Variants in SLC13A4 observed in about 807,000 individuals in gnomAD.
SLC13A4 encodes Na(+)/sulfate cotransporter SUT-1.
SLC13A4 carries 28 observed loss-of-function variants against 72.7 expected under a neutral mutation model. That is an observed-to-expected ratio of 0.39 (90% CI 0.29 to 0.53). The LOEUF is 0.53. Among genes scored for constraint, SLC13A4 ranks in the 20% least tolerant of loss-of-function variants. SLC13A4 has a pLI of 0.78. For synonymous variants in SLC13A4, 312 were observed against 325.5 expected, an observed-to-expected ratio of 0.96 and a Z score of 0.45; for missense variants, 653 against 788.0, an observed-to-expected ratio of 0.83 and a Z score of 2.05.
At chr7:135,701,652 A>G in intron 7 of SLC13A4, 28 bp downstream of exon 7, 1 of 1,608,636 alleles carries the variant, frequency 6.2e-7, no homozygotes, top group Non-Finnish European at 8.5e-7. Flanking sequence ...CATGTAGGAA[A>G]CAGAGCTAGA....
chr7:135,692,709 G>A lies in SLC13A4; in HGVS notation c.1122-285C>T, dbSNP rs116029059. 4.2e-3 allele frequency: 1,426 copies of A among 338,804 alleles called. 30 individuals are homozygous for A. The highest frequency in any genetic ancestry group is 0.028 in the African/African-American group (1,313 of 46,148). The allele number at this position is 338,804 out of a possible 1,614,324, so 21.0% of individuals were successfully genotyped here. A position where few individuals can be genotyped will look rare whatever the true frequency, so the allele number is the denominator to read the frequency against. ...TTCAAATACAGCCTACAAGGAGAGT[G>A]CAGTGAAATAGGCAGCCCCAAACAC... On this transcript the variant is annotated intron_variant, in intron 10 of 15. Transcript: ENST00000682651.
chr7:135,700,006 A>T (rs1795993701), intron 7 of SLC13A4, among the ~76,000 whole-genome samples: 1 of 152,052 alleles, frequency 6.6e-6, no homozygotes, highest in African/African-American at 2.4e-5. Context: ...TCCTACCAAG[A>T]CCCATCAAGC....
chr7:135,700,845 T>G (rs1434716877), intron 7 of SLC13A4, among the ~76,000 whole-genome samples: 1 of 152,226 alleles, frequency 6.6e-6, no homozygotes, highest in East Asian at 1.9e-4. Flanking sequence ...AGACGAGATC[T>G]GGCTGTGTTT....
chr7:135,710,622 CTT>C (rs1406533561), intron 2 of SLC13A4, among the ~76,000 whole-genome samples: 1 of 152,154 alleles, frequency 6.6e-6, no homozygotes, highest in Non-Finnish European at 1.5e-5. Flanking sequence ...AGACTGCTGA[CTT>C]TTCATTATAA....
In SLC13A4 at chr7:135,684,065, G is replaced by T; in HGVS notation, c.1746+59C>A. The T allele has an allele frequency of 7.9e-6, 12 of 1,514,284 alleles. No individual in the cohort carries two copies. In the South Asian group the frequency reaches 1.6e-4, roughly 20 times the overall value. 93.8% of individuals were successfully genotyped at this position (1,514,284 alleles called of 1,614,324 possible). ...ATAAGCTTTGAAAGAAGGCTGCAGA[G>T]CTGTCATCCCTGTCCTCATGGCAGC... On this transcript the variant is annotated intron_variant, in intron 15 of 15. Coordinates refer to ENST00000682651, the MANE Select transcript of SLC13A4 (RefSeq NM_001318192.2).
At chr7:135,713,501 A>T (rs1473082813) in intron 2 of SLC13A4, among the ~76,000 whole-genome samples, 1 of 152,328 alleles carries the variant, frequency 6.6e-6, no homozygotes, top group East Asian at 1.9e-4. Context: ...TACATAGCTA[A>T]TTTAATCTGC....
intron 11 of SLC13A4, 64 bp downstream of exon 11, chr7:135,692,259 T>C: frequency 6.9e-6 from 8 of 1,152,780 alleles, no homozygotes; most frequent in Non-Finnish European, 1.0e-5. Flanking sequence ...TGAGAGTCTA[T>C]GAAGTCTTGC....
intron 13 of SLC13A4, 44 bp downstream of exon 13, chr7:135,691,157 G>C (rs1795775823): frequency 6.7e-7 from 1 of 1,484,790 alleles, no homozygotes; most frequent in Non-Finnish European, 9.1e-7. Flanking sequence ...GAGCAAGACT[G>C]TCTCAAAAAA....
Position 135,727,532 on chromosome 7 carries a change from C to T in SLC13A4, c.-36G>A, listed in dbSNP as rs554950186. The T allele has an allele frequency of 2.6e-6, 4 of 1,529,116 alleles. No individual in the cohort carries two copies. The highest frequency in any genetic ancestry group is 1.2e-5 in the South Asian group (1 of 82,324). The allele number at this position is 1,529,116 out of a possible 1,614,324, so 94.7% of individuals were successfully genotyped here. A position where few individuals can be genotyped will look rare whatever the true frequency, so the allele number is the denominator to read the frequency against. ...TCCTCTCCAGCTCGTCCTTGGACCCCGCTCTGCCGGCGAAAGGCTTCCTGC... is the reference window on the plus strand; with the variant it reads ...TCCTCTCCAGCTCGTCCTTGGACCCTGCTCTGCCGGCGAAAGGCTTCCTGC... On this transcript the variant is annotated 5_prime_UTR_variant, in exon 1 of 16. Transcript: ENST00000682651.
At chr7:135,693,586 T>C (rs1333726661) in intron 10 of SLC13A4, among the ~76,000 whole-genome samples, 1 of 152,244 alleles carries the variant, frequency 6.6e-6, no homozygotes, top group African/African-American at 2.4e-5. Context: ...TGCAAAGTTG[T>C]ATGTGCCAAT....
intron 2 of SLC13A4, among the ~76,000 whole-genome samples, chr7:135,714,672 G>A (rs987351158): frequency 1.3e-5 from 2 of 152,226 alleles, no homozygotes; most frequent in Non-Finnish European, 2.9e-5. Context: ...GAAAGGCAGA[G>A]CTGAGAGTGC....
Position 135,684,768 on chromosome 7 carries a change from G to A in SLC13A4, c.1609-507C>T, listed in dbSNP as rs529304353. 2.6e-5 allele frequency among the ~76,000 whole-genome samples: 4 copies of A among 152,188 alleles called. No homozygotes were observed. The South Asian group carries it at 6.2e-4, about 24-fold the overall frequency. On this transcript the variant is annotated intron_variant, in intron 14 of 15. Coordinates refer to ENST00000682651, the MANE Select transcript of SLC13A4 (RefSeq NM_001318192.2). ...TGTTGCTCGCAGGAGCAAGATGACG[G>A]AAGGGAGAAGTTGGGGTCATCTGAG...
chr7:135,708,272 C>T (rs746236682), intron 2 of SLC13A4, 22 bp from the exon 3 acceptor site: 1 of 1,613,784 alleles, frequency 6.2e-7, no homozygotes, highest in South Asian at 1.1e-5. Context: ...CCAGGCATGT[C>T]AGTCACCCTC....
intron 3 of SLC13A4, 56 bp from the exon 4 acceptor site, chr7:135,706,356 T>C (rs1428539567): frequency 6.6e-7 from 1 of 1,526,018 alleles, no homozygotes; most frequent in Non-Finnish European, 8.9e-7. Flanking sequence ...TCCCTGCGGC[T>C]CCACAGTGGG....
intron 10 of SLC13A4, chr7:135,693,183 T>TA (rs1201517238): frequency 1.3e-5 from 2 of 151,578 alleles, no homozygotes; most frequent in African/African-American, 4.8e-5. Context: ...AATTACCTAT[T>TA]AAAAAATGGA....
chr7:135,695,566 C>T lies in SLC13A4; in HGVS notation c.900-79G>A, dbSNP rs1436193998. 6 of 1,486,306 alleles carry T rather than the reference C, an allele frequency of 4.0e-6. No homozygotes were observed. The East Asian group carries it at 1.5e-4, about 36-fold the overall frequency. The allele number at this position is 1,486,306 out of a possible 1,614,324, so 92.1% of individuals were successfully genotyped here. ...ATTTTGGGGTAGTATGCCAAATGCT[C>T]CCTAAAACATACAGCTGGGCTAAGT... On this transcript the variant is annotated intron_variant, in intron 8 of 15. Coordinates refer to ENST00000682651, the MANE Select transcript of SLC13A4 (RefSeq NM_001318192.2).
Position 135,694,220 on chromosome 7 carries a change from A to T in SLC13A4, c.1038T>A (p.Ser346=). ...TTTTGGTCTTCTTCTTCTTGCTCAGAGAGCAGGTCTCTTTAAAACTGAGAA... is the reference window on the plus strand; with the variant it reads ...TTTTGGTCTTCTTCTTCTTGCTCAGTGAGCAGGTCTCTTTAAAACTGAGAA... The part of the protein sequence containing the change: ...FLGCNFKETC[S]LSKKKKTKRE... Residue 346 remains serine (S), a synonymous_variant, in exon 10 of 16, where the codon TCT becomes TCA. Transcript: ENST00000682651. 6.2e-7 allele frequency: 1 copy of T among 1,609,370 alleles called. No individual in the cohort carries two copies. Among genetic ancestry groups the T allele is most frequent in the East Asian group, 2.2e-5 (1 of 44,842 alleles).
At chr7:135,715,031 AAT>A (rs1796383847) in intron 2 of SLC13A4, among the ~76,000 whole-genome samples, 1 of 150,092 alleles carries the variant, frequency 6.7e-6, no homozygotes, top group African/African-American at 2.5e-5. Context: ...TGTGAGTGTG[AAT>A]GTGTGTGAGG....
At chr7:135,713,494 A>G (rs920532744) in intron 2 of SLC13A4, among the ~76,000 whole-genome samples, 2 of 152,224 alleles carry the variant, frequency 1.3e-5, no homozygotes, top group African/African-American at 4.8e-5. Context: ...GTGATGCTAC[A>G]TAGCTAATTT....
Sources: gnomAD v4.1 joint callset for allele counts (sites outside exome capture counted in the v4.1 genomes callset) on GRCh38, gnomAD v4.1.1 for gene constraint, MANE v1.5 for transcripts, NCBI Gene and HGNC (gene_info 2026-07-23, HGNC 2026-07-21) for gene names.